ENTREP2: variants seen among roughly 807,000 people sequenced by gnomAD.
ENTREP2 encodes endosomal transmembrane epsin interactor 2.
At chr15:29,333,388 G>A in the ENTREP2 span, among the ~76,000 whole-genome samples, 1 of 152,138 alleles carries the variant, frequency 6.6e-6, no homozygotes, top group Admixed American at 6.5e-5. Context: ...GTGCCCAGGA[G>A]GCAGCCTGGC....
At chr15:29,139,988 G>A in the ENTREP2 span, among the ~76,000 whole-genome samples, 3 of 152,316 alleles carry the variant, frequency 2.0e-5, no homozygotes, top group South Asian at 6.2e-4. Context: ...CTGCCTGTAG[G>A]GGGTGCCAGA....
chr15:29,404,860 T>A, the ENTREP2 span, among the ~76,000 whole-genome samples: 3 of 151,962 alleles, frequency 2.0e-5, no homozygotes, highest in African/African-American at 7.3e-5. Flanking sequence ...GATGTGCCTG[T>A]CAGGGTCCCA....
At chr15:29,426,605 T>A in the ENTREP2 span, among the ~76,000 whole-genome samples, 1 of 152,198 alleles carries the variant, frequency 6.6e-6, no homozygotes, top group East Asian at 1.9e-4. Flanking sequence ...AATTCACTAA[T>A]CCAATGTTGG....
At chr15:29,397,057 G>A in the ENTREP2 span, among the ~76,000 whole-genome samples, 3 of 152,000 alleles carry the variant, frequency 2.0e-5, no homozygotes, top group Non-Finnish European at 4.4e-5. Context: ...CAGGTTACTG[G>A]CTAAAACTCA....
the ENTREP2 span, among the ~76,000 whole-genome samples, chr15:29,225,083 G>A: frequency 1.3e-5 from 2 of 152,214 alleles, no homozygotes; most frequent in Non-Finnish European, 2.9e-5. Context: ...AACTCACGCT[G>A]GCCCGCAAGC....
the ENTREP2 span, among the ~76,000 whole-genome samples, chr15:29,393,318 T>C: frequency 6.6e-6 from 1 of 152,196 alleles, no homozygotes; most frequent in Non-Finnish European, 1.5e-5. Flanking sequence ...CACCCAGGAT[T>C]TGGAAACACT....
At chr15:29,520,767 A>C in the ENTREP2 span, among the ~76,000 whole-genome samples, 22 of 152,352 alleles carry the variant, frequency 1.4e-4, no homozygotes, top group African/African-American at 5.3e-4. Flanking sequence ...ATTTCTATAC[A>C]CTAGTAGTAA....
chr15:29,341,476 A>G, the ENTREP2 span, among the ~76,000 whole-genome samples: 13 of 152,228 alleles, frequency 8.5e-5, no homozygotes, highest in Admixed American at 7.2e-4. Flanking sequence ...TGGTCTGGGC[A>G]GCTCGATGAA....
the ENTREP2 span, among the ~76,000 whole-genome samples, chr15:29,578,538 T>C: frequency 6.6e-6 from 1 of 152,226 alleles, no homozygotes; most frequent in Admixed American, 6.5e-5. Context: ...AAAGGTCAAC[T>C]AAGTGCAGGG....
the ENTREP2 span, among the ~76,000 whole-genome samples, chr15:29,568,768 T>C: frequency 2.7e-5 from 4 of 150,378 alleles, no homozygotes; most frequent in Admixed American, 2.0e-4. Context: ...AGAATAACAC[T>C]GCAAAAGCAA....
the ENTREP2 span, among the ~76,000 whole-genome samples, chr15:29,540,298 T>A: frequency 1.3e-5 from 2 of 152,220 alleles, no homozygotes; most frequent in Non-Finnish European, 2.9e-5. Flanking sequence ...CACACTGTTG[T>A]TAACTATAGC....
At chr15:29,409,285 C>G in the ENTREP2 span, among the ~76,000 whole-genome samples, 1 of 152,122 alleles carries the variant, frequency 6.6e-6, no homozygotes, top group Non-Finnish European at 1.5e-5. Context: ...TAGATTCAAA[C>G]TCATATTACA....
chr15:29,313,771 G>A, the ENTREP2 span, among the ~76,000 whole-genome samples: 1 of 152,170 alleles, frequency 6.6e-6, no homozygotes, highest in Non-Finnish European at 1.5e-5. Flanking sequence ...TTTAAGAAAT[G>A]CATTTCACAA....
At chr15:29,147,892 A>T in the ENTREP2 span, among the ~76,000 whole-genome samples, 1 of 152,276 alleles carries the variant, frequency 6.6e-6, no homozygotes, top group Non-Finnish European at 1.5e-5. Context: ...CAAACAGCCC[A>T]TATGAACATC....
chr15:29,280,164 C>G, the ENTREP2 span, among the ~76,000 whole-genome samples: 14 of 152,158 alleles, frequency 9.2e-5, no homozygotes, highest in Admixed American at 4.6e-4. Flanking sequence ...TCTATTAGAT[C>G]ATTAAAAGAC....
the ENTREP2 span, chr15:29,123,187 G>A: frequency 1.5e-4 from 121 of 791,500 alleles, 1 homozygote; most frequent in Middle Eastern, 1.1e-3. Context: ...ACAGTTCCCT[G>A]CCCACACCGC....
chr15:29,196,627 T>A, the ENTREP2 span: 1 of 1,514,440 alleles, frequency 6.6e-7, no homozygotes, highest in East Asian at 2.5e-5. Flanking sequence ...AGGGTACGCG[T>A]GAGTGACACA....
At chr15:29,490,106 G>A in the ENTREP2 span, among the ~76,000 whole-genome samples, 1 of 152,188 alleles carries the variant, frequency 6.6e-6, no homozygotes, top group Non-Finnish European at 1.5e-5. Context: ...TGCGGAATTG[G>A]TGGGTTCTCG....
the ENTREP2 span, among the ~76,000 whole-genome samples, chr15:29,215,576 TA>T: frequency 3.5e-5 from 4 of 113,592 alleles, no homozygotes; most frequent in Non-Finnish European, 7.5e-5. Context: ...CAAATATATA[TA>T]ATATATATAT....
Sources: allele counts gnomAD v4.1 joint callset (sites outside exome capture counted in the v4.1 genomes callset), GRCh38; gene constraint gnomAD v4.1.1; transcripts MANE v1.5; gene names NCBI Gene and HGNC (gene_info 2026-07-23, HGNC 2026-07-21).